The following NRG1 variants were observed in gnomAD, a reference collection of about 807,000 sequenced individuals.
NRG1 encodes the protein pro-neuregulin-1, membrane-bound isoform.
Under a neutral mutation model 63.8 loss-of-function variants are expected in NRG1, and 18 were observed. The observed-to-expected ratio is 0.28, with a 90% confidence interval of 0.19 to 0.42. The LOEUF (loss-of-function observed/expected upper bound fraction) is 0.42. NRG1 is among the 10% of genes least tolerant of loss of function. NRG1 has a pLI of 1.00. For synonymous variants in NRG1, 302 were observed against 301.3 expected (o/e 1.00, Z -0.02); for missense variants, 762 against 814.7 (o/e 0.94, Z 0.79).
chr8:32,082,545 A>C lies in NRG1; in HGVS notation c.37+443114A>C, dbSNP rs1827626877. Among the ~76,000 whole-genome samples, 3 of 152,276 alleles carry C rather than the reference A, an allele frequency of 2.0e-5. No homozygotes were observed. The East Asian group carries it at 5.8e-4, about 29-fold the overall frequency. On this transcript the variant is annotated intron_variant, in intron 1 of 10. Transcript: ENST00000519301. Reference sequence around the variant, plus strand: ...TGCCATGAAAAACAACAGGAAAATAAAGCACTACCCTTGAGCATGCCTCTA... The same window carrying C: ...TGCCATGAAAAACAACAGGAAAATACAGCACTACCCTTGAGCATGCCTCTA...
intron 1 of NRG1, among the ~76,000 whole-genome samples, chr8:32,146,045 T>C (rs1836836078): frequency 6.6e-6 from 1 of 152,212 alleles, no homozygotes; most frequent in Admixed American, 6.5e-5. Context: ...AGAGTTTCTG[T>C]ACCTGGAAAT....
chr8:31,720,734 A>G (rs1290042345), intron 1 of NRG1, among the ~76,000 whole-genome samples: 2 of 152,232 alleles, frequency 1.3e-5, no homozygotes, highest in Non-Finnish European at 2.9e-5. Flanking sequence ...AGATCAAGGA[A>G]GAAAGGAACA....
chr8:31,912,931 G>A (rs1833069590), intron 1 of NRG1, among the ~76,000 whole-genome samples: 1 of 152,088 alleles, frequency 6.6e-6, no homozygotes, highest in East Asian at 1.9e-4. Context: ...TCACCTTTGT[G>A]CCATTGTGCT....
chr8:32,608,891 C>T (rs2439279), intron 3 of NRG1, among the ~76,000 whole-genome samples: 95,454 of 152,070 alleles, frequency 0.63, 31,221 homozygotes, highest in African/African-American at 0.8. Flanking sequence ...TTAACCTCTA[C>T]TGTATGATTG....
At chr8:32,517,872 T>G (rs1829984017) in intron 1 of NRG1, among the ~76,000 whole-genome samples, 1 of 152,112 alleles carries the variant, frequency 6.6e-6, no homozygotes, top group Non-Finnish European at 1.5e-5. Context: ...CCTAAGATAA[T>G]TAAATTAAAA....
chr8:31,715,420 G>A (rs184779624), intron 1 of NRG1, among the ~76,000 whole-genome samples: 1 of 152,208 alleles, frequency 6.6e-6, no homozygotes, highest in East Asian at 1.9e-4. Context: ...GAATGCATGG[G>A]CTGCTGTCAA....
intron 3 of NRG1, among the ~76,000 whole-genome samples, chr8:32,606,944 G>A (rs1426967029): frequency 6.6e-6 from 1 of 152,010 alleles, no homozygotes; most frequent in Non-Finnish European, 1.5e-5. Flanking sequence ...TCAGAAACAG[G>A]GCTGGGAAAA....
chr8:32,728,273 G>C, intron 6 of NRG1, 195 bp downstream of exon 6: 1 of 985,152 alleles, frequency 1.0e-6, no homozygotes, highest in African/African-American at 1.7e-5. Flanking sequence ...ATTGTTTTTT[G>C]CTCTTTTCAA....
chr8:31,838,358 C>G (rs1488219685), intron 1 of NRG1, among the ~76,000 whole-genome samples: 26 of 152,078 alleles, frequency 1.7e-4, no homozygotes, highest in East Asian at 1.9e-4. Flanking sequence ...TTATAGTGTA[C>G]TTTAATATAT....
rs149195148 is a variant in NRG1, at chr8:32,633,773, T to C, written c.502+16888T>C. Reference sequence around the variant, plus strand: ...GCCTTCCTTCCTCTTTCTCTCAGTCTTGGGTAGGTCCTGGTACATATGAGG... The same window carrying C: ...GCCTTCCTTCCTCTTTCTCTCAGTCCTGGGTAGGTCCTGGTACATATGAGG... On this transcript the variant is annotated intron_variant, in intron 5 of 11. Transcript: ENST00000356819. Among the ~76,000 whole-genome samples the C allele has an allele frequency of 7.8e-3, 1,184 of 152,216 alleles. 8 individuals are homozygous for C. The highest frequency in any genetic ancestry group is 0.012 in the Non-Finnish European group (815 of 68,018).
At chr8:31,855,053 A>G (rs1015129239) in intron 1 of NRG1, among the ~76,000 whole-genome samples, 4 of 152,202 alleles carry the variant, frequency 2.6e-5, no homozygotes, top group African/African-American at 9.6e-5. Context: ...ATTTTGGAAT[A>G]GGTGTGGTGT....
chr8:31,698,887 G>A (rs988076508), intron 1 of NRG1, among the ~76,000 whole-genome samples: 2 of 152,144 alleles, frequency 1.3e-5, no homozygotes, highest in African/African-American at 4.8e-5. Context: ...TTAGCACCAA[G>A]GTTAAACAAA....
intron 1 of NRG1, among the ~76,000 whole-genome samples, chr8:32,247,434 A>T (rs1275773071): frequency 2.6e-5 from 4 of 152,122 alleles, no homozygotes; most frequent in Non-Finnish European, 4.4e-5. Flanking sequence ...GTAAATAGTA[A>T]CATATCAAAT....
At chr8:32,047,665 T>C (rs1821224084) in intron 1 of NRG1, among the ~76,000 whole-genome samples, 1 of 152,026 alleles carries the variant, frequency 6.6e-6, no homozygotes, top group Non-Finnish European at 1.5e-5. Context: ...AAATTTTATT[T>C]ACTTACTGTG....
chr8:32,517,542 A>C (rs968718667), intron 1 of NRG1, among the ~76,000 whole-genome samples: 4 of 152,180 alleles, frequency 2.6e-5, no homozygotes, highest in African/African-American at 4.8e-5. Context: ...GCATGTATCT[A>C]TGTGTTGGTG....
chr8:32,628,234 G>A (rs1245953736), intron 5 of NRG1, among the ~76,000 whole-genome samples: 1 of 152,098 alleles, frequency 6.6e-6, no homozygotes, highest in African/African-American at 2.4e-5. Flanking sequence ...ATACGAAGAG[G>A]CATAGCCTTA....
At chr8:32,401,016 T>C (rs1436160737) in intron 1 of NRG1, among the ~76,000 whole-genome samples, 1 of 152,134 alleles carries the variant, frequency 6.6e-6, no homozygotes, top group Non-Finnish European at 1.5e-5. Context: ...CTGGAGGCCA[T>C]TATCCTAAGC....
intron 1 of NRG1, among the ~76,000 whole-genome samples, chr8:31,971,312 A>G (rs1227143312): frequency 6.6e-6 from 1 of 152,020 alleles, no homozygotes; most frequent in East Asian, 1.9e-4. Flanking sequence ...TTTTTAGTCA[A>G]TTTTGCTTTT....
intron 1 of NRG1, among the ~76,000 whole-genome samples, chr8:32,194,784 C>T (rs1842812593): frequency 6.6e-6 from 1 of 152,030 alleles, no homozygotes; most frequent in South Asian, 2.1e-4. Flanking sequence ...GAAGTCTTTC[C>T]CTTATGATTC....
Sources: gnomAD v4.1 joint callset for allele counts (sites outside exome capture counted in the v4.1 genomes callset) on GRCh38, gnomAD v4.1.1 for gene constraint, MANE v1.5 for transcripts, NCBI Gene and HGNC (gene_info 2026-07-23, HGNC 2026-07-21) for gene names.